Variants in OR2Z1 observed in about 807,000 individuals in gnomAD.
OR2Z1 encodes the protein olfactory receptor family 2 subfamily Z member 1.
For synonymous variants in OR2Z1, 188 were observed against 160.6 expected (o/e 1.17, Z -1.29); for missense variants, 449 against 401.8 (o/e 1.12, Z -1.00).
At position 8,731,116 on chromosome 19, in the gene OR2Z1, C is replaced by G; in HGVS notation, c.88C>G (p.Leu30Val). 1.2e-6 allele frequency: 2 copies of G among 1,614,146 alleles called. No individual in the cohort carries two copies. Among genetic ancestry groups the G allele is most frequent in the South Asian group, 2.2e-5 (2 of 91,084 alleles). Reference protein sequence around the residue: ...HSGSRQLLFSLVAVMFVIGLL... With the variant: ...HSGSRQLLFSVVAVMFVIGLL... The stretch of plus-strand genomic sequence containing the variant: ...AGGATCACGCCAGCTCCTCTTCTCC[C>G]TGGTGGCTGTCATGTTTGTCATAGG... The change falls in exon 3 of 3, where the codon CTG becomes GTG. Residue 30 changes from leucine (L) to valine (V), a missense_variant. By Grantham distance (32) the Leu-to-Val change is conservative. Transcript: ENST00000641125.
rs371388790 is a variant in OR2Z1, at chr19:8,731,364, C to G, written c.336C>G (p.Gly112=). The part of the protein sequence containing the change: ...FFLTLMGVAE[G]VLLVLMSYDR... ...TCACACTGATGGGTGTGGCTGAGGGCGTCCTGTTGGTCCTCATGTCTTATG... is the reference window on the plus strand; with the variant it reads ...TCACACTGATGGGTGTGGCTGAGGGGGTCCTGTTGGTCCTCATGTCTTATG... Residue 112 remains glycine, a synonymous_variant, in exon 3 of 3, where the codon GGC becomes GGG. Coordinates refer to ENST00000641125, the MANE Select transcript of OR2Z1 (RefSeq NM_001004699.3). 2.5e-6 allele frequency: 4 copies of G among 1,613,896 alleles called. No homozygotes were observed. In the African/African-American group the frequency reaches 5.3e-5, roughly 22 times the overall value.
intron 2 of OR2Z1, among the ~76,000 whole-genome samples, chr19:8,726,981 G>A (rs983349432): frequency 5.3e-5 from 8 of 151,490 alleles, no homozygotes; most frequent in Non-Finnish European, 7.4e-5. Context: ...ACAGGGTCTC[G>A]CTCAGTCTCC....
chr19:8,725,414 T>G (rs782434561), intron 2 of OR2Z1, among the ~76,000 whole-genome samples: 2 of 152,128 alleles, frequency 1.3e-5, no homozygotes, highest in Admixed American at 6.5e-5. Flanking sequence ...GGCTAATTTT[T>G]GTATTTTTTG....
chr19:8,725,901 G>A (rs2043325268), intron 2 of OR2Z1, among the ~76,000 whole-genome samples: 1 of 152,210 alleles, frequency 6.6e-6, no homozygotes, highest in Non-Finnish European at 1.5e-5. Context: ...CAATCATGGT[G>A]GAAGATGAGG....
At chr19:8,730,621 T>TATTGGTC (rs2043347873) in intron 2 of OR2Z1, among the ~76,000 whole-genome samples, 2 of 152,206 alleles carry the variant, frequency 1.3e-5, no homozygotes, top group Admixed American at 1.3e-4. Flanking sequence ...GGTTTCACCA[T>TATTGGTC]ATTGGTCAGG....
chr19:8,729,602 T>A (rs558131707), intron 2 of OR2Z1, among the ~76,000 whole-genome samples: 1 of 151,922 alleles, frequency 6.6e-6, no homozygotes, highest in East Asian at 1.9e-4. Flanking sequence ...GATGGTTTTT[T>A]TTTTTTTGAC....
intron 2 of OR2Z1, among the ~76,000 whole-genome samples, chr19:8,726,197 C>T (rs915367060): frequency 2.6e-5 from 4 of 152,140 alleles, no homozygotes; most frequent in Admixed American, 2.6e-4. Context: ...AAACTCCTGA[C>T]CTCGTGATCG....
rs139461542 is a variant in OR2Z1, at chr19:8,729,466, A to C, written c.-169-1394A>C. On this transcript the variant is annotated intron_variant, in intron 2 of 2. Coordinates refer to ENST00000641125, the MANE Select transcript of OR2Z1 (RefSeq NM_001004699.3). ...TGCTCGGTGGCCCAGGCTGGAGTGC[A>C]GTGATGTGATCATAGCTCACTGCAG... Among the ~76,000 whole-genome samples, 300 of 149,272 alleles carry C rather than the reference A, an allele frequency of 2.0e-3. 6 individuals carry two copies. In the East Asian group the frequency reaches 0.042, roughly 21 times the overall value.
chr19:8,729,984 C>T (rs1448773707), intron 2 of OR2Z1, among the ~76,000 whole-genome samples: 1 of 152,076 alleles, frequency 6.6e-6, no homozygotes, highest in Non-Finnish European at 1.5e-5. Context: ...GCTAGGATTA[C>T]AGGCATGAGC....
intron 2 of OR2Z1, among the ~76,000 whole-genome samples, chr19:8,729,701 C>T (rs1288865847): frequency 6.6e-6 from 1 of 152,044 alleles, no homozygotes; most frequent in African/African-American, 2.4e-5. Flanking sequence ...AGCGATTCTT[C>T]TGCCTCAGCC....
chr19:8,731,849 T>A lies in OR2Z1; in HGVS notation c.821T>A (p.Val274Asp). ...CACAGTCCACAGCAGGATAACGTGGTTTCCCTCTTCTATAGCCTTGTCACC... is the reference window on the plus strand; with the variant it reads ...CACAGTCCACAGCAGGATAACGTGGATTCCCTCTTCTATAGCCTTGTCACC... ...AYHSPQQDNV[V>D]SLFYSLVTPT... The change falls in exon 3 of 3, where the codon GTT becomes GAT. Residue 274 changes from valine to aspartate, a missense_variant. Physicochemically the swap from Val to Asp is radical, Grantham distance 152. Coordinates refer to ENST00000641125, the MANE Select transcript of OR2Z1 (RefSeq NM_001004699.3). 1 of 1,614,154 alleles carries A rather than the reference T, an allele frequency of 6.2e-7. No individual in the cohort carries two copies. The highest frequency in any genetic ancestry group is 8.5e-7 in the Non-Finnish European group (1 of 1,180,030).
chr19:8,728,579 C>T (rs1164854479), intron 2 of OR2Z1, among the ~76,000 whole-genome samples: 1 of 152,102 alleles, frequency 6.6e-6, no homozygotes, highest in Non-Finnish European at 1.5e-5. Flanking sequence ...TTTGGGGGTA[C>T]ATATGCAAGG....
rs370404987 is a variant in OR2Z1, at chr19:8,731,795, T to C, written c.767T>C (p.Val256Ala). 44 of 1,614,108 alleles carry C rather than the reference T, an allele frequency of 2.7e-5. No homozygotes were observed. The highest frequency in any genetic ancestry group is 1.6e-4 in the Middle Eastern group (1 of 6,084). Reference protein sequence around the residue: ...TVVGLFYGAAVFMYMVPCAYH... With the variant: ...TVVGLFYGAAAFMYMVPCAYH... ...GTGGGGCTCTTTTATGGTGCCGCCG[T>C]GTTCATGTACATGGTGCCTTGCGCC... is the stretch of plus-strand genomic sequence containing the variant. The change falls in exon 3 of 3, where the codon GTG becomes GCG. Residue 256 changes from valine (V) to alanine (A), a missense_variant. Physicochemically the swap from Val to Ala is moderately conservative, Grantham distance 64. Coordinates refer to ENST00000641125, the MANE Select transcript of OR2Z1 (RefSeq NM_001004699.3).
intron 2 of OR2Z1, chr19:8,729,012 G>C: frequency 1.2e-6 from 1 of 812,218 alleles, no homozygotes; most frequent in Non-Finnish European, 2.1e-6. Context: ...TCTCCTGGGG[G>C]TGCTCTTTCG....
Position 8,731,269 on chromosome 19 carries a change from A to G in OR2Z1, c.241A>G (p.Met81Val), listed in dbSNP as rs1555756716. The G allele has an allele frequency of 6.2e-7, 1 of 1,614,080 alleles. No individual in the cohort carries two copies. The highest frequency in any genetic ancestry group is 1.1e-5 in the South Asian group (1 of 91,056). ...CTGTCCCATGGTCACCATCCCCAAG[A>G]TGGCATCAGACTTTCTGCGGGGAGA... Reference protein sequence around the residue: ...IGCPMVTIPKMASDFLRGEGA... With the variant: ...IGCPMVTIPKVASDFLRGEGA... Residue 81 changes from methionine to valine, a missense_variant, in exon 3 of 3, where the codon ATG becomes GTG. Met to Val is a conservative substitution (Grantham distance 21). Transcript: ENST00000641125.
rs1555756683 is a variant in OR2Z1, at chr19:8,731,104, C to T, written c.76C>T (p.Leu26Phe). ...CTTCAGTCACTCAGGATCACGCCAG[C>T]TCCTCTTCTCCCTGGTGGCTGTCAT... ...GLFSHSGSRQ[L>F]LFSLVAVMFV... is the part of the protein sequence containing the mutation. Residue 26 changes from leucine (L) to phenylalanine (F), a missense_variant, in exon 3 of 3, where the codon CTC (leucine) becomes TTC (phenylalanine). Leu to Phe is a conservative substitution (Grantham distance 22, BLOSUM62 0). Transcript: ENST00000641125. 6.2e-7 allele frequency: 1 copy of T among 1,614,118 alleles called. No homozygotes were observed. The highest frequency in any genetic ancestry group is 8.5e-7 in the Non-Finnish European group (1 of 1,180,010).
At chr19:8,723,387 G>A (rs1555755844) in intron 2 of OR2Z1, among the ~76,000 whole-genome samples, 1 of 152,068 alleles carries the variant, frequency 6.6e-6, no homozygotes, top group Non-Finnish European at 1.5e-5. Flanking sequence ...ATCCCAGGCA[G>A]AGTTTCATCC....
At position 8,731,789 on chromosome 19, in the gene OR2Z1, C is replaced by A. The variant is rs781794583; in HGVS notation, c.761C>A (p.Ala254Asp). 1.9e-6 allele frequency: 3 copies of A among 1,614,136 alleles called. No individual in the cohort carries two copies. In the East Asian group the frequency reaches 6.7e-5, roughly 36 times the overall value. The change falls in exon 3 of 3, where the codon GCC becomes GAC. Residue 254 changes from alanine to aspartate, a missense_variant. By Grantham distance (126) the Ala-to-Asp change is moderately radical. Coordinates refer to ENST00000641125, the MANE Select transcript of OR2Z1 (RefSeq NM_001004699.3). The stretch of plus-strand genomic sequence containing the variant: ...ACGGTAGTGGGGCTCTTTTATGGTG[C>A]CGCCGTGTTCATGTACATGGTGCCT... ...HITVVGLFYG[A>D]AVFMYMVPCA...
chr19:8,728,143 T>C (rs868987207), intron 2 of OR2Z1, among the ~76,000 whole-genome samples: 1 of 152,200 alleles, frequency 6.6e-6, no homozygotes, highest in Admixed American at 6.5e-5. Flanking sequence ...CCATCCACAG[T>C]TGGGAAAGAA....
Sources: gnomAD v4.1 joint callset for allele counts (sites outside exome capture counted in the v4.1 genomes callset) on GRCh38, gnomAD v4.1.1 for gene constraint, MANE v1.5 for transcripts, NCBI Gene and HGNC (gene_info 2026-07-23, HGNC 2026-07-21) for gene names.